Variants in IBTK observed in about 807,000 individuals in gnomAD.
IBTK encodes BTK-binding protein.
In IBTK, 83 loss-of-function variants were observed where a neutral mutation model predicts 154.9. That is an observed-to-expected ratio of 0.54 (90% CI 0.45 to 0.64). The LOEUF (loss-of-function observed/expected upper bound fraction) is 0.64, where lower values mean the gene tolerates loss of function less well. Among genes scored for constraint, IBTK ranks in the 30% least tolerant of loss-of-function variants. The probability of loss-of-function intolerance (pLI) is 0.00; values close to 1 mark genes in which losing one functional copy is unlikely to be tolerated. For synonymous variants in IBTK, 515 were observed against 536.1 expected (o/e 0.96, Z 0.54); for missense variants, 1,332 against 1,584.6 (o/e 0.84, Z 2.71).
chr6:82,176,473 A>G (rs1768119265), intron 26 of IBTK, among the ~76,000 whole-genome samples: 1 of 149,764 alleles, frequency 6.7e-6, no homozygotes, highest in African/African-American at 2.5e-5. Context: ...GTGAGCGGAG[A>G]TCACGCCATT....
chr6:82,240,694 T>A lies in IBTK; in HGVS notation c.-208A>T, dbSNP rs898402596. Reference sequence around the variant, plus strand: ...ATCAAAAAAATTATAAATAGCTCTATAAAGTTCATATCAAATACAAGTTCT... The same window carrying A: ...ATCAAAAAAATTATAAATAGCTCTAAAAAGTTCATATCAAATACAAGTTCT... On this transcript the variant is annotated 5_prime_UTR_variant, in exon 2 of 29. Transcript: ENST00000306270. The A allele has an allele frequency of 9.8e-6, 5 of 510,000 alleles. No homozygotes were observed. Among genetic ancestry groups the A allele is most frequent in the Admixed American group, 3.7e-5 (1 of 27,102 alleles). 31.6% of individuals were successfully genotyped at this position (510,000 alleles called of 1,614,324 possible). A position where few individuals can be genotyped will look rare whatever the true frequency, so the allele number is the denominator to read the frequency against.
intron 5 of IBTK, 74 bp from the exon 6 acceptor site, chr6:82,225,721 T>C: frequency 2.7e-6 from 3 of 1,097,224 alleles, no homozygotes; most frequent in Non-Finnish European, 4.0e-6. Flanking sequence ...TTGATGATAC[T>C]ACATCTAAAA....
chr6:82,245,742 A>G (rs1771117480), intron 1 of IBTK, among the ~76,000 whole-genome samples: 1 of 152,120 alleles, frequency 6.6e-6, no homozygotes, highest in South Asian at 2.1e-4. Context: ...GATTTTGAAC[A>G]GCCTTATGTG....
rs1024665042 is a variant in IBTK at position 82,170,180 on chromosome 6, T to C, written c.*1245A>G. On this transcript the variant is annotated 3_prime_UTR_variant, in exon 29 of 29. Transcript: ENST00000306270. ...TAGTGTAGCACATCAGAAAAAATAA[T>C]TATTAACTCTTTCCATAATAAATGT... 6.6e-6 allele frequency: 1 copy of C among 152,498 alleles called. No individual in the cohort carries two copies. Among genetic ancestry groups the C allele is most frequent in the Non-Finnish European group, 1.5e-5 (1 of 68,036 alleles). The allele number at this position is 152,498 out of a possible 1,614,324, so 9.4% of individuals were successfully genotyped here.
At position 82,214,147 on chromosome 6, in the gene IBTK, G is replaced by C; in HGVS notation, c.2204+80C>G. 4 of 1,334,932 alleles carry C rather than the reference G, an allele frequency of 3.0e-6. No homozygotes were observed. The South Asian group carries it at 5.9e-5, about 20-fold the overall frequency. The allele number at this position is 1,334,932 out of a possible 1,614,324, so 82.7% of individuals were successfully genotyped here. On this transcript the variant is annotated intron_variant, in intron 12 of 28. Transcript: ENST00000306270. ...ATTTTTTGTATTTTTAGTAGAGATGGGGTTTCACAGTAAGGGTGGGAAATT... is the reference window on the plus strand; with the variant it reads ...ATTTTTTGTATTTTTAGTAGAGATGCGGTTTCACAGTAAGGGTGGGAAATT...
chr6:82,187,340 T>A (rs764443798), intron 25 of IBTK, among the ~76,000 whole-genome samples: 3 of 152,214 alleles, frequency 2.0e-5, no homozygotes, highest in Admixed American at 6.5e-5. Flanking sequence ...AAAATTTGGA[T>A]AGATAGTCCC....
intron 25 of IBTK, among the ~76,000 whole-genome samples, chr6:82,185,300 C>A (rs981389014): frequency 4.6e-5 from 7 of 151,240 alleles, no homozygotes; most frequent in African/African-American, 1.7e-4. Context: ...GTGGCTCATG[C>A]CTGTAATCCC....
At chr6:82,228,049 T>C (rs916587871) in intron 4 of IBTK, among the ~76,000 whole-genome samples, 4 of 152,042 alleles carry the variant, frequency 2.6e-5, no homozygotes, top group Admixed American at 6.6e-5. Context: ...TTCAAATATA[T>C]ATATATTTAC....
chr6:82,203,846 A>G (rs1042952401), intron 17 of IBTK, among the ~76,000 whole-genome samples: 1 of 152,172 alleles, frequency 6.6e-6, no homozygotes, highest in Admixed American at 6.5e-5. Context: ...AAAGGAGATC[A>G]GGGCTGTTGT....
At position 82,247,726 on chromosome 6, in the gene IBTK, A is replaced by G. The variant is rs917956673; in HGVS notation, c.-522T>C. On this transcript the variant is annotated 5_prime_UTR_variant, in exon 1 of 29. Coordinates refer to ENST00000306270, the MANE Select transcript of IBTK (RefSeq NM_015525.4). Reference sequence around the variant, plus strand: ...GCGGCTGCAATACAGCCGCTACTACAGGAATCGGGAACGGGGATGTAGAGG... The same window carrying G: ...GCGGCTGCAATACAGCCGCTACTACGGGAATCGGGAACGGGGATGTAGAGG... 26 of 397,932 alleles carry G rather than the reference A, an allele frequency of 6.5e-5. No individual in the cohort carries two copies. Among genetic ancestry groups the G allele is most frequent in the Non-Finnish European group, 1.1e-4 (24 of 225,862 alleles). 24.7% of individuals were successfully genotyped at this position (397,932 alleles called of 1,614,324 possible).
chr6:82,243,408 A>C (rs1771028401), intron 1 of IBTK, among the ~76,000 whole-genome samples: 1 of 152,192 alleles, frequency 6.6e-6, no homozygotes, highest in South Asian at 2.1e-4. Flanking sequence ...TATTAAATGA[A>C]AATTTTGGAA....
chr6:82,200,740 C>G, intron 19 of IBTK, 32 bp from the exon 20 acceptor site: 2 of 578,706 alleles, frequency 3.5e-6, no homozygotes, highest in South Asian at 1.9e-5. Context: ...TTTTCAAATA[C>G]AAAATCTGTG....
chr6:82,176,749 T>C (rs539548404), intron 26 of IBTK, among the ~76,000 whole-genome samples: 13 of 152,212 alleles, frequency 8.5e-5, no homozygotes, highest in African/African-American at 2.6e-4. Flanking sequence ...TCACATTTTC[T>C]AGAACTAAAA....
intron 26 of IBTK, among the ~76,000 whole-genome samples, chr6:82,174,030 G>A (rs1768025055): frequency 3.3e-5 from 5 of 152,018 alleles, no homozygotes; most frequent in Admixed American, 3.3e-4. Context: ...ATTCCAGTAA[G>A]GAGAAAAACT....
chr6:82,240,681 A>T lies in IBTK; in HGVS notation c.-195T>A. The T allele has an allele frequency of 1.9e-6, 1 of 529,070 alleles. No individual in the cohort carries two copies. The highest frequency in any genetic ancestry group is 3.3e-6 in the Non-Finnish European group (1 of 303,486). 32.8% of individuals were successfully genotyped at this position (529,070 alleles called of 1,614,324 possible). ...TTTTGGCACTTAAATCAAAAAAATT[A>T]TAAATAGCTCTATAAAGTTCATATC... On this transcript the variant is annotated 5_prime_UTR_variant, in exon 2 of 29. Transcript: ENST00000306270.
chr6:82,235,342 T>C (rs1435123667), intron 2 of IBTK, among the ~76,000 whole-genome samples: 1 of 151,864 alleles, frequency 6.6e-6, no homozygotes, highest in Non-Finnish European at 1.5e-5. Flanking sequence ...ATGACTATAA[T>C]CCCAGCACTT....
Position 82,191,543 on chromosome 6 carries a change from T to C in IBTK, c.3431+244A>G, listed in dbSNP as rs1768770125. On this transcript the variant is annotated intron_variant, in intron 24 of 28. Transcript: ENST00000306270. The stretch of plus-strand genomic sequence containing the variant: ...TTTTGTAGCCAATAGTCCACAATGA[T>C]CATTTTAGAGTCAAGTTTCTGGGAT... 1.7e-5 allele frequency: 10 copies of C among 586,902 alleles called. No individual in the cohort carries two copies. In the South Asian group the frequency reaches 1.8e-4, roughly 11 times the overall value. The allele number at this position is 586,902 out of a possible 1,614,324, so 36.4% of individuals were successfully genotyped here.
At chr6:82,188,257 A>AAT (rs1421175588) in intron 25 of IBTK, among the ~76,000 whole-genome samples, 1 of 152,226 alleles carries the variant, frequency 6.6e-6, no homozygotes, top group Non-Finnish European at 1.5e-5. Flanking sequence ...AAACACATAT[A>AAT]GAGTAGAATG....
At chr6:82,177,835 C>T (rs1768175458) in intron 26 of IBTK, among the ~76,000 whole-genome samples, 1 of 152,200 alleles carries the variant, frequency 6.6e-6, no homozygotes, top group Non-Finnish European at 1.5e-5. Flanking sequence ...CAGGCATGAG[C>T]CACAGCGCCT....
Sources: allele counts gnomAD v4.1 joint callset (sites outside exome capture counted in the v4.1 genomes callset), GRCh38; gene constraint gnomAD v4.1.1; transcripts MANE v1.5; gene names NCBI Gene and HGNC (gene_info 2026-07-23, HGNC 2026-07-21).